The following ARHGAP12 variants were observed in gnomAD, a reference collection of about 807,000 sequenced individuals.
ARHGAP12 encodes the protein Rho GTPase activating protein 12.
A neutral mutation model predicts 108.6 loss-of-function variants in ARHGAP12; 64 were observed. The observed-to-expected ratio is 0.59, with a 90% CI of 0.48 to 0.73. The LOEUF is 0.73. Among genes scored for constraint, ARHGAP12 ranks in the 30% least tolerant of loss-of-function variants. The pLI is 0.00. For missense variants in ARHGAP12, 940 were observed against 1,005.9 expected (o/e 0.93, Z 0.89); for synonymous variants, 312 against 337.2 (o/e 0.93, Z 0.82).
intron 3 of ARHGAP12, among the ~76,000 whole-genome samples, chr10:31,885,113 T>G (rs1487570565): frequency 6.6e-6 from 1 of 152,170 alleles, no homozygotes; most frequent in African/African-American, 2.4e-5. Context: ...TAGGCTTACT[T>G]CTGTTCATTT....
intron 10 of ARHGAP12, among the ~76,000 whole-genome samples, chr10:31,827,697 A>G (rs1257902164): frequency 6.6e-6 from 1 of 151,820 alleles, no homozygotes; most frequent in East Asian, 1.9e-4. Flanking sequence ...AGGCTGAGGC[A>G]GGAGAATGGC....
rs753446669 is a variant in ARHGAP12, at chr10:31,839,335, G to C, written c.1372-16C>G. The C allele has an allele frequency of 2.5e-6, 4 of 1,608,440 alleles. No individual in the cohort carries two copies. The Admixed American group carries it at 6.7e-5, about 27-fold the overall frequency. Reference sequence around the variant, plus strand: ...GACTGCTGGCCTGAGGAAAAAAAGAGTAAAGTATAATGTCATAGTATTGTC... The same window carrying C: ...GACTGCTGGCCTGAGGAAAAAAAGACTAAAGTATAATGTCATAGTATTGTC... On this transcript the variant is annotated splice_polypyrimidine_tract_variant and intron_variant, in intron 8 of 19. Transcript: ENST00000344936.
At chr10:31,903,086 C>A (rs1215851563) in intron 3 of ARHGAP12, among the ~76,000 whole-genome samples, 1 of 152,216 alleles carries the variant, frequency 6.6e-6, no homozygotes, top group Non-Finnish European at 1.5e-5. Context: ...TTCTGGACTT[C>A]ATGCATCACT....
chr10:31,861,610 T>C lies in ARHGAP12; in HGVS notation c.733A>G (p.Asn245Asp), dbSNP rs1461565197. Reference sequence around the variant, plus strand: ...TGGGATATTTTCAGTTCTTGAAGGTTAGCATAGACAGGAGAATCTGGCCTT... The same window carrying C: ...TGGGATATTTTCAGTTCTTGAAGGTCAGCATAGACAGGAGAATCTGGCCTT... The part of the protein sequence containing the change: ...QGRPDSPVYA[N>D]LQELKISQSA... Residue 245 changes from asparagine to aspartate, a missense_variant, in exon 4 of 20, where the codon AAC (asparagine) becomes GAC (aspartate). Coordinates refer to ENST00000344936, the MANE Select transcript of ARHGAP12 (RefSeq NM_018287.7). 1 of 1,613,776 alleles carries C rather than the reference T, an allele frequency of 6.2e-7. No homozygotes were observed. The highest frequency in any genetic ancestry group is 2.2e-5 in the East Asian group (1 of 44,884).
At chr10:31,851,653 C>CGCTT (rs1452261793) in intron 6 of ARHGAP12, among the ~76,000 whole-genome samples, 2 of 152,160 alleles carry the variant, frequency 1.3e-5, no homozygotes, top group Non-Finnish European at 2.9e-5. Flanking sequence ...GGCCAGATAG[C>CGCTT]ATTCACATAA....
chr10:31,841,437 G>A (rs1334787204), intron 7 of ARHGAP12, among the ~76,000 whole-genome samples: 2 of 152,088 alleles, frequency 1.3e-5, no homozygotes, highest in African/African-American at 2.4e-5. Context: ...AAACATACTT[G>A]AAATTTTGAT....
chr10:31,908,948 A>C, intron 2 of ARHGAP12, 22 bp from the exon 3 acceptor site: 3 of 1,232,182 alleles, frequency 2.4e-6, no homozygotes, highest in Non-Finnish European at 3.4e-6. Flanking sequence ...AAATGGAGAA[A>C]GAGAATGAAG....
chr10:31,864,931 G>C (rs1359618377), intron 3 of ARHGAP12, among the ~76,000 whole-genome samples: 1 of 152,160 alleles, frequency 6.6e-6, no homozygotes, highest in African/African-American at 2.4e-5. Context: ...CAAAAAGGAA[G>C]AGACCCGGAA....
intron 8 of ARHGAP12, 122 bp from the exon 9 acceptor site, chr10:31,839,441 A>G (rs957882128): frequency 8.7e-7 from 1 of 1,144,542 alleles, no homozygotes; most frequent in Non-Finnish European, 1.2e-6. Flanking sequence ...CATGTAAGAT[A>G]CCATATTTTA....
chr10:31,922,130 GAGATC>G (rs1359446762), intron 1 of ARHGAP12, among the ~76,000 whole-genome samples: 6 of 136,968 alleles, frequency 4.4e-5, no homozygotes, highest in African/African-American at 1.6e-4. Context: ...GCAGCGAGCT[GAGATC>G]ATGCCATTGC....
intron 3 of ARHGAP12, among the ~76,000 whole-genome samples, chr10:31,867,647 A>G (rs1158922757): frequency 1.3e-5 from 2 of 152,360 alleles, no homozygotes; most frequent in East Asian, 3.9e-4. Context: ...TAATCAGCAG[A>G]ACCTTTTTGG....
intron 9 of ARHGAP12, among the ~76,000 whole-genome samples, chr10:31,834,514 T>C (rs965598444): frequency 6.6e-6 from 1 of 152,348 alleles, no homozygotes. Context: ...CTGTGAGAAA[T>C]AAATTTCTGT....
chr10:31,922,426 A>T (rs1040724056), intron 1 of ARHGAP12, among the ~76,000 whole-genome samples: 2 of 150,672 alleles, frequency 1.3e-5, no homozygotes, highest in African/African-American at 4.9e-5. Context: ...TTTAAGAGAC[A>T]GGGTCTTGCT....
intron 16 of ARHGAP12, among the ~76,000 whole-genome samples, chr10:31,810,392 G>C (rs969665400): frequency 6.6e-6 from 1 of 152,116 alleles, no homozygotes; most frequent in Non-Finnish European, 1.5e-5. Flanking sequence ...ATGCTTAAAT[G>C]AAATGGCATC....
At chr10:31,864,781 G>A (rs1258670495) in intron 3 of ARHGAP12, among the ~76,000 whole-genome samples, 2 of 152,172 alleles carry the variant, frequency 1.3e-5, no homozygotes, top group African/African-American at 2.4e-5. Flanking sequence ...TGAGCATCAT[G>A]TACTCAAGCT....
At chr10:31,906,771 A>G (rs1839148884) in intron 3 of ARHGAP12, among the ~76,000 whole-genome samples, 2 of 152,192 alleles carry the variant, frequency 1.3e-5, no homozygotes, top group African/African-American at 2.4e-5. Flanking sequence ...TGAAAAAAAC[A>G]TAGGATTGCG....
intron 3 of ARHGAP12, among the ~76,000 whole-genome samples, chr10:31,872,391 C>A: frequency 6.6e-6 from 1 of 152,178 alleles, no homozygotes; most frequent in Non-Finnish European, 1.5e-5. Flanking sequence ...ACATCCTCTG[C>A]CTCAACCTTC....
intron 3 of ARHGAP12, among the ~76,000 whole-genome samples, chr10:31,894,336 T>C (rs976293200): frequency 6.6e-5 from 10 of 152,146 alleles, no homozygotes; most frequent in African/African-American, 2.4e-4. Flanking sequence ...CATGATTGTA[T>C]ATCTAGAAAA....
At chr10:31,876,245 C>T (rs1837726658) in intron 3 of ARHGAP12, among the ~76,000 whole-genome samples, 1 of 152,204 alleles carries the variant, frequency 6.6e-6, no homozygotes, top group Admixed American at 6.5e-5. Flanking sequence ...AGGCCGGGCA[C>T]AGTGGCTCAC....
Sources: allele counts gnomAD v4.1 joint callset (sites outside exome capture counted in the v4.1 genomes callset), GRCh38; gene constraint gnomAD v4.1.1; transcripts MANE v1.5; gene names NCBI Gene and HGNC (gene_info 2026-07-23, HGNC 2026-07-21).